The following TBL1XR1 variants were observed in gnomAD, a reference collection of about 807,000 sequenced individuals.
TBL1XR1 encodes F-box-like/WD repeat-containing protein TBL1XR1.
A neutral mutation model predicts 66.9 loss-of-function variants in TBL1XR1; 5 were observed. The observed-to-expected ratio is 0.07, with a 90% CI of 0.04 to 0.16. The LOEUF (loss-of-function observed/expected upper bound fraction) is 0.16, where lower values mean the gene tolerates loss of function less well. Among genes scored for constraint, TBL1XR1 ranks in the 10% least tolerant of loss-of-function variants. The pLI is 1.00. For synonymous variants in TBL1XR1, 210 were observed against 206.0 expected (o/e 1.02, Z -0.17); for missense variants, 238 against 623.2 (o/e 0.38, Z 6.58).
At chr3:177,068,740 C>A (rs1001658427) in intron 2 of TBL1XR1, among the ~76,000 whole-genome samples, 3 of 152,114 alleles carry the variant, frequency 2.0e-5, no homozygotes, top group Non-Finnish European at 2.9e-5. Flanking sequence ...GAAGCCAGGG[C>A]CCAACTGTGA....
chr3:177,188,923 T>G (rs931853762), intron 1 of TBL1XR1, among the ~76,000 whole-genome samples: 4 of 152,128 alleles, frequency 2.6e-5, no homozygotes, highest in Non-Finnish European at 5.9e-5. Context: ...TATTAAAAAT[T>G]TTGGGCGGGT....
intron 2 of TBL1XR1, among the ~76,000 whole-genome samples, chr3:177,097,375 T>C (rs1224575866): frequency 6.6e-6 from 1 of 152,090 alleles, no homozygotes; most frequent in Non-Finnish European, 1.5e-5. Context: ...CGGTAAGAAA[T>C]TTTTTTTAAG....
chr3:177,092,517 CAT>C (rs1722962878), intron 2 of TBL1XR1, among the ~76,000 whole-genome samples: 1 of 151,982 alleles, frequency 6.6e-6, no homozygotes, highest in Admixed American at 6.6e-5. Flanking sequence ...TCTGTAAAAA[CAT>C]ATTAGGAGCA....
At chr3:177,084,012 C>G (rs1225343223) in intron 2 of TBL1XR1, among the ~76,000 whole-genome samples, 3 of 148,964 alleles carry the variant, frequency 2.0e-5, no homozygotes, top group Non-Finnish European at 4.4e-5. Flanking sequence ...CATTTGAACC[C>G]AGGAGGCGGA....
intron 1 of TBL1XR1, among the ~76,000 whole-genome samples, chr3:177,180,871 C>T (rs1399651398): frequency 1.3e-5 from 2 of 151,780 alleles, no homozygotes; most frequent in Non-Finnish European, 2.9e-5. Flanking sequence ...GGAGTAGCTA[C>T]GATTACAGGC....
rs1000278502 is a variant in TBL1XR1, at chr3:177,023,893, T to C, written c.*1605A>G. 6.6e-6 allele frequency: 1 copy of C among 152,058 alleles called. No homozygotes were observed. The highest frequency in any genetic ancestry group is 1.9e-4 in the East Asian group (1 of 5,202). 9.4% of individuals were successfully genotyped at this position (152,058 alleles called of 1,614,324 possible). A position where few individuals can be genotyped will look rare whatever the true frequency, so the allele number is the denominator to read the frequency against. Reference sequence around the variant, plus strand: ...TAATTAAAATCTTCGAGATATAAATTTGATGACTATTCTCTTCAGAAATGA... The same window carrying C: ...TAATTAAAATCTTCGAGATATAAATCTGATGACTATTCTCTTCAGAAATGA... On this transcript the variant is annotated 3_prime_UTR_variant, in exon 16 of 16. Coordinates refer to ENST00000457928, the MANE Select transcript of TBL1XR1 (RefSeq NM_024665.7).
chr3:177,091,260 A>G (rs1722807887), intron 2 of TBL1XR1: 1 of 152,106 alleles, frequency 6.6e-6, no homozygotes, highest in African/African-American at 2.4e-5. Flanking sequence ...TAAATATAAA[A>G]ATACGTATAA....
intron 1 of TBL1XR1, among the ~76,000 whole-genome samples, chr3:177,172,395 A>G (rs1181929073): frequency 2.0e-5 from 3 of 152,106 alleles, no homozygotes; most frequent in Admixed American, 2.0e-4. Flanking sequence ...AATCTCCTGT[A>G]AAGAAAAAAA....
intron 10 of TBL1XR1, among the ~76,000 whole-genome samples, chr3:177,043,337 A>T (rs1247552688): frequency 6.6e-6 from 1 of 151,916 alleles, no homozygotes; most frequent in African/African-American, 2.4e-5. Flanking sequence ...ATGTTTTGAA[A>T]CAGTGTTATT....
In TBL1XR1 at chr3:177,171,754, TCCAG is replaced by T. The variant is rs568214359; in HGVS notation, c.-122+25363_-122+25366del. On this transcript the variant is annotated intron_variant, in intron 1 of 15. Transcript: ENST00000457928. ...TTTGCTGTGATTCCGAAAAAAGAAATCCAGGGCTTTTTGGAGAAATGGCTGACTC... is the reference window on the plus strand; with the variant it reads ...TTTGCTGTGATTCCGAAAAAAGAAATGGCTTTTTGGAGAAATGGCTGACTC... Among the ~76,000 whole-genome samples the T allele has an allele frequency of 8.4e-5, 7 of 83,216 alleles. 1 individual carries two copies. In the East Asian group the frequency reaches 1.5e-3, roughly 18 times the overall value. 54.6% of individuals were successfully genotyped at this position (83,216 alleles called of 152,430 possible). A position where few individuals can be genotyped will look rare whatever the true frequency, so the allele number is the denominator to read the frequency against.
chr3:177,188,790 T>C (rs1337137208), intron 1 of TBL1XR1, among the ~76,000 whole-genome samples: 1 of 152,258 alleles, frequency 6.6e-6, no homozygotes, highest in African/African-American at 2.4e-5. Context: ...CCTTTCAGCA[T>C]GATCCTTACA....
chr3:177,131,945 T>C (rs192077623), intron 1 of TBL1XR1, among the ~76,000 whole-genome samples: 5 of 150,934 alleles, frequency 3.3e-5, no homozygotes, highest in Admixed American at 1.3e-4. Context: ...AGCACTCTGA[T>C]TGTTAACCCC....
At chr3:177,082,158 C>T (rs1721473002) in intron 2 of TBL1XR1, among the ~76,000 whole-genome samples, 1 of 152,020 alleles carries the variant, frequency 6.6e-6, no homozygotes, top group African/African-American at 2.4e-5. Context: ...TAGAGCTACG[C>T]ACAACATAGC....
In TBL1XR1 at chr3:177,098,496, A is replaced by G; in HGVS notation, c.-76T>C. The G allele has an allele frequency of 2.0e-6, 2 of 985,862 alleles. No individual in the cohort carries two copies. The highest frequency in any genetic ancestry group is 2.4e-6 in the Non-Finnish European group (2 of 829,926). The allele number at this position is 985,862 out of a possible 1,614,324, so 61.1% of individuals were successfully genotyped here. On this transcript the variant is annotated 5_prime_UTR_variant, in exon 2 of 16. Coordinates refer to ENST00000457928, the MANE Select transcript of TBL1XR1 (RefSeq NM_024665.7). The stretch of plus-strand genomic sequence containing the variant: ...GCAGTGCATTGATGTGGGGATGTGC[A>G]ACTGAATATCCGGTCACCGCCAATC...
chr3:177,192,042 G>A (rs577302730), intron 1 of TBL1XR1, among the ~76,000 whole-genome samples: 5 of 148,960 alleles, frequency 3.4e-5, no homozygotes, highest in South Asian at 2.1e-4. Flanking sequence ...GCAGTGAGCC[G>A]AGATCGCACC....
chr3:177,175,008 T>C (rs1014219451), intron 1 of TBL1XR1, among the ~76,000 whole-genome samples: 2 of 152,206 alleles, frequency 1.3e-5, no homozygotes, highest in Admixed American at 1.3e-4. Flanking sequence ...AACAAAACTG[T>C]TTGCCAGAAA....
At chr3:177,049,601 A>G (rs1716776346) in intron 7 of TBL1XR1, among the ~76,000 whole-genome samples, 1 of 152,066 alleles carries the variant, frequency 6.6e-6, no homozygotes, top group South Asian at 2.1e-4. Context: ...GCTACACAGA[A>G]TTCTTTTATC....
At position 177,159,077 on chromosome 3, in the gene TBL1XR1, G is replaced by T. The variant is rs1214268985; in HGVS notation, c.-122+38044C>A. Among the ~76,000 whole-genome samples, 15 of 151,722 alleles carry T rather than the reference G, an allele frequency of 9.9e-5. 1 individual carries two copies. The highest frequency in any genetic ancestry group is 7.2e-4 in the Admixed American group (11 of 15,216). On this transcript the variant is annotated intron_variant, in intron 1 of 15. Coordinates refer to ENST00000457928, the MANE Select transcript of TBL1XR1 (RefSeq NM_024665.7). ...TCCTAAAATGTAAAAAGAACAAGAA[G>T]AATTTTTTATTTTTAATTCCTGCAG...
intron 1 of TBL1XR1, among the ~76,000 whole-genome samples, chr3:177,108,379 G>A (rs1229437772): frequency 6.6e-6 from 1 of 152,122 alleles, no homozygotes; most frequent in Non-Finnish European, 1.5e-5. Flanking sequence ...AAAAGACAGT[G>A]GGGGTAAGAA....
Sources: gnomAD v4.1 joint callset for allele counts (sites outside exome capture counted in the v4.1 genomes callset) on GRCh38, gnomAD v4.1.1 for gene constraint, MANE v1.5 for transcripts, NCBI Gene and HGNC (gene_info 2026-07-23, HGNC 2026-07-21) for gene names.